Variants in BLTP1 observed in about 807,000 individuals in gnomAD.
BLTP1 encodes the protein bridge-like lipid transfer protein family member 1, also known as fragile site-associated protein.
At chr4:122,165,976 C>T in the BLTP1 span, among the ~76,000 whole-genome samples, 1 of 151,700 alleles carries the variant, frequency 6.6e-6, no homozygotes, top group Non-Finnish European at 1.5e-5. Flanking sequence ...GATATTAGCC[C>T]TTTGTCAGAT....
At chr4:122,286,489 G>A in the BLTP1 span, 1 of 1,603,032 alleles carries the variant, frequency 6.2e-7, no homozygotes, top group Non-Finnish European at 8.5e-7. Context: ...AGTGAGGAAT[G>A]AATGAGTGAA....
At chr4:122,255,966 A>T in the BLTP1 span, 2 of 759,840 alleles carry the variant, frequency 2.6e-6, no homozygotes, top group Non-Finnish European at 3.2e-6. Flanking sequence ...CCAGAGCCAA[A>T]TTTCACATAC....
the BLTP1 span, among the ~76,000 whole-genome samples, chr4:122,352,297 T>C: frequency 6.6e-6 from 1 of 152,086 alleles, no homozygotes; most frequent in African/African-American, 2.4e-5. Context: ...TACATAAAAT[T>C]CCATGCAAGT....
At chr4:122,357,901 G>GC in the BLTP1 span, among the ~76,000 whole-genome samples, 4 of 152,290 alleles carry the variant, frequency 2.6e-5, no homozygotes, top group East Asian at 5.8e-4. Context: ...TGTTGAAAGA[G>GC]TACAAAGGTA....
At chr4:122,273,427 C>T in the BLTP1 span, 4 of 984,670 alleles carry the variant, frequency 4.1e-6, no homozygotes, top group Non-Finnish European at 4.8e-6. Context: ...ATCAGCCTTC[C>T]CTGGAAATAT....
chr4:122,257,187 C>G, the BLTP1 span: 1,471 of 1,460,816 alleles, frequency 1.0e-3, 25 homozygotes, highest in Admixed American at 0.026. Context: ...TAAATACATG[C>G]AAAGCACTTA....
At chr4:122,171,871 G>C in the BLTP1 span, 17 of 984,936 alleles carry the variant, frequency 1.7e-5, no homozygotes, top group South Asian at 1.9e-4. Context: ...ATGAGCATAG[G>C]GGGGCGTGAT....
At chr4:122,343,339 C>T in the BLTP1 span, 9 of 1,582,206 alleles carry the variant, frequency 5.7e-6, no homozygotes, top group Non-Finnish European at 7.7e-6. Context: ...ATGTCTGGTT[C>T]TTAAGAACAT....
chr4:122,202,582 ATT>A, the BLTP1 span: 1 of 935,210 alleles, frequency 1.1e-6, no homozygotes, highest in Non-Finnish European at 1.3e-6. Flanking sequence ...AAGATTTTGT[ATT>A]TTTTAACTTT....
At chr4:122,266,091 G>C in the BLTP1 span, among the ~76,000 whole-genome samples, 1 of 152,304 alleles carries the variant, frequency 6.6e-6, no homozygotes, top group South Asian at 2.1e-4. Context: ...CCTATATTTA[G>C]AATGTAGAAG....
chr4:122,356,225 A>G, the BLTP1 span, among the ~76,000 whole-genome samples: 1 of 152,204 alleles, frequency 6.6e-6, no homozygotes, highest in Non-Finnish European at 1.5e-5. Flanking sequence ...TAGGACTATT[A>G]TCAGGAATAA....
chr4:122,177,978 T>A, the BLTP1 span: 2 of 308,100 alleles, frequency 6.5e-6, no homozygotes, highest in Non-Finnish European at 9.5e-6. Flanking sequence ...CTTGTTTTGT[T>A]CTGTACTGTA....
chr4:122,190,348 A>G, the BLTP1 span: 3 of 812,380 alleles, frequency 3.7e-6, no homozygotes, highest in Non-Finnish European at 4.5e-6. Context: ...CTCCTGCCTC[A>G]TTCTCCCAAA....
chr4:122,355,781 T>G, the BLTP1 span: 1 of 1,580,288 alleles, frequency 6.3e-7, no homozygotes, highest in Non-Finnish European at 8.6e-7. Flanking sequence ...TCTCTCTTTA[T>G]CATTATGCAT....
chr4:122,331,882 G>A, the BLTP1 span: 5 of 606,332 alleles, frequency 8.2e-6, no homozygotes, highest in Non-Finnish European at 1.0e-5. Flanking sequence ...ATGCTCAGAA[G>A]TATCTTGGTT....
At chr4:122,337,115 C>T in the BLTP1 span, 11,918 of 1,160,772 alleles carry the variant, frequency 0.01, 96 homozygotes, top group Non-Finnish European at 0.013. Flanking sequence ...TAAAAGTTTT[C>T]TTAACCTCAG....
chr4:122,234,683 CTT>C, the BLTP1 span: 32 of 1,287,478 alleles, frequency 2.5e-5, no homozygotes, highest in South Asian at 7.8e-5. Context: ...TTACAATTAA[CTT>C]ATATTTAATT....
At chr4:122,177,650 A>T in the BLTP1 span, among the ~76,000 whole-genome samples, 2 of 152,070 alleles carry the variant, frequency 1.3e-5, no homozygotes, top group Non-Finnish European at 2.9e-5. Flanking sequence ...CTCCAGATAA[A>T]CTGGCCTGTT....
At chr4:122,297,558 T>C in the BLTP1 span, among the ~76,000 whole-genome samples, 1 of 152,210 alleles carries the variant, frequency 6.6e-6, no homozygotes, top group Non-Finnish European at 1.5e-5. Context: ...CATTACTGGG[T>C]ATATACCCAA....
Sources: allele counts gnomAD v4.1 joint callset (sites outside exome capture counted in the v4.1 genomes callset), GRCh38; gene constraint gnomAD v4.1.1; transcripts MANE v1.5; gene names NCBI Gene and HGNC (gene_info 2026-07-23, HGNC 2026-07-21).